GNA13: variants seen among roughly 807,000 people sequenced by gnomAD.
The protein encoded by GNA13 is G protein subunit alpha 13.
A neutral mutation model predicts 33.5 loss-of-function variants in GNA13; 4 were observed. The observed-to-expected ratio is 0.12, with a 90% CI of 0.06 to 0.27. The LOEUF is 0.27. Among genes scored for constraint, GNA13 ranks in the 10% least tolerant of loss-of-function variants. GNA13 has a pLI of 1.00. For missense variants in GNA13, 319 were observed against 487.2 expected, an observed-to-expected ratio of 0.65 and a Z score of 3.25; for synonymous variants, 176 against 183.8, an observed-to-expected ratio of 0.96 and a Z score of 0.34.
intron 2 of GNA13, among the ~76,000 whole-genome samples, chr17:65,029,004 T>C (rs1906904734): frequency 6.6e-6 from 1 of 152,096 alleles, no homozygotes. Context: ...ACTGATATAA[T>C]ACTGAGAAGT....
At chr17:65,031,921 A>AGAGTGTGTGTGTGTGTGTGT (rs770161529) in intron 2 of GNA13, among the ~76,000 whole-genome samples, 25 of 91,704 alleles carry the variant, frequency 2.7e-4, no homozygotes, top group African/African-American at 8.3e-4. Context: ...AGAGAGAGAG[A>AGAGTGTGTGTGTGTGTGTGT]GTGTGTGTGT....
At chr17:65,054,374 T>C (rs1907958947) in intron 1 of GNA13, among the ~76,000 whole-genome samples, 1 of 152,262 alleles carries the variant, frequency 6.6e-6, no homozygotes, top group Non-Finnish European at 1.5e-5. Flanking sequence ...GAAACTCATT[T>C]TTCCTATCAC....
chr17:65,050,814 G>A (rs755865904), intron 2 of GNA13, among the ~76,000 whole-genome samples: 5 of 152,146 alleles, frequency 3.3e-5, no homozygotes, highest in Non-Finnish European at 5.9e-5. Flanking sequence ...TTTAAAATTA[G>A]GTCTTGCTCT....
intron 3 of GNA13, among the ~76,000 whole-genome samples, chr17:65,017,368 G>A (rs1424189121): frequency 6.6e-6 from 1 of 152,226 alleles, no homozygotes; most frequent in African/African-American, 2.4e-5. Context: ...GCAGAGCAGA[G>A]TATGTTGATG....
intron 2 of GNA13, among the ~76,000 whole-genome samples, chr17:65,050,728 TAAAAAACAAAAACA>T (rs1251510672): frequency 6.6e-6 from 1 of 151,834 alleles, no homozygotes; most frequent in East Asian, 1.9e-4. Flanking sequence ...GACCTTCTCT[TAAAAAACAAAAACA>T]AAAAAACAAA....
At chr17:65,032,706 T>C (rs1442250004) in intron 2 of GNA13, among the ~76,000 whole-genome samples, 2 of 152,208 alleles carry the variant, frequency 1.3e-5, no homozygotes, top group Non-Finnish European at 2.9e-5. Flanking sequence ...CTTTCCAACA[T>C]TTTCATTTTG....
chr17:65,053,417 G>A (rs1907924529), intron 2 of GNA13, 85 bp downstream of exon 2: 2 of 845,666 alleles, frequency 2.4e-6, no homozygotes, highest in Admixed American at 1.9e-5. Context: ...GGAACATTTC[G>A]AATTTTCGCA....
intron 2 of GNA13, 27 bp from the exon 3 acceptor site, chr17:65,018,330 T>C: frequency 9.1e-7 from 1 of 1,095,126 alleles, no homozygotes; most frequent in East Asian, 2.4e-5. Context: ...AACAAATAGT[T>C]ATTAGGGCTT....
intron 2 of GNA13, among the ~76,000 whole-genome samples, chr17:65,031,917 A>AGTGTGTGTGT (rs1423818583): frequency 2.3e-5 from 3 of 128,254 alleles, no homozygotes; most frequent in Non-Finnish European, 5.0e-5. Flanking sequence ...AGAGAGAGAG[A>AGTGTGTGTGT]GAGAGTGTGT....
At chr17:65,031,917 AGAGAGTGTGTGTGTGTGT>A (rs1320288231) in intron 2 of GNA13, among the ~76,000 whole-genome samples, 63 of 128,256 alleles carry the variant, frequency 4.9e-4, no homozygotes, top group African/African-American at 1.9e-3. Context: ...AGAGAGAGAG[AGAGAGTGTGTGTGTGTGT>A]GTGTGTGTGT....
At chr17:65,023,663 T>C (rs1170701827) in intron 2 of GNA13, among the ~76,000 whole-genome samples, 6 of 152,218 alleles carry the variant, frequency 3.9e-5, no homozygotes, top group East Asian at 1.9e-4. Flanking sequence ...CTTTATATAC[T>C]TTCTTTGCTG....
intron 2 of GNA13, among the ~76,000 whole-genome samples, chr17:65,050,553 A>T (rs1457307608): frequency 1.3e-5 from 2 of 152,076 alleles, no homozygotes; most frequent in Non-Finnish European, 2.9e-5. Context: ...ACATAGCAAG[A>T]CTCCGTCTCT....
intron 2 of GNA13, among the ~76,000 whole-genome samples, chr17:65,047,653 C>T (rs1907714110): frequency 1.7e-5 from 2 of 118,456 alleles, no homozygotes; most frequent in Admixed American, 2.3e-4. Context: ...TAATAAATGA[C>T]TCTGATTCTT....
intron 2 of GNA13, among the ~76,000 whole-genome samples, chr17:65,031,242 G>A (rs117076091): frequency 4.6e-5 from 7 of 152,268 alleles, no homozygotes; most frequent in East Asian, 3.9e-4. Flanking sequence ...GTAAGTATTC[G>A]TGTATCTAAA....
chr17:65,045,420 T>C (rs963018515), intron 2 of GNA13, among the ~76,000 whole-genome samples: 10 of 137,728 alleles, frequency 7.3e-5, no homozygotes, highest in African/African-American at 2.7e-4. Flanking sequence ...CTTGGGAGGC[T>C]GGGTCAGGGC....
At chr17:65,028,070 C>A (rs1006908678) in intron 2 of GNA13, among the ~76,000 whole-genome samples, 1 of 152,012 alleles carries the variant, frequency 6.6e-6, no homozygotes, top group Admixed American at 6.6e-5. Flanking sequence ...ACTAAAAATA[C>A]AAAAAATCAG....
intron 2 of GNA13, among the ~76,000 whole-genome samples, chr17:65,019,522 A>G (rs940568388): frequency 5.9e-5 from 9 of 152,190 alleles, no homozygotes; most frequent in Non-Finnish European, 7.3e-5. Context: ...TTGCAACAAC[A>G]TATATGGAAG....
intron 2 of GNA13, among the ~76,000 whole-genome samples, chr17:65,042,483 T>C (rs1312126618): frequency 6.6e-6 from 1 of 151,892 alleles, no homozygotes; most frequent in Non-Finnish European, 1.5e-5. Context: ...AAGCCTATAA[T>C]CCCAACACTT....
rs372134041 is a variant in GNA13, at chr17:65,053,427, A to G, written c.510+75T>C. 162 of 918,598 alleles carry G rather than the reference A, an allele frequency of 1.8e-4. 3 individuals carry two copies. The East Asian group carries it at 2.1e-3, about 12-fold the overall frequency. The allele number at this position is 918,598 out of a possible 1,614,324, so 56.9% of individuals were successfully genotyped here. A position where few individuals can be genotyped will look rare whatever the true frequency, so the allele number is the denominator to read the frequency against. On this transcript the variant is annotated intron_variant, in intron 2 of 3. Coordinates refer to ENST00000439174, the MANE Select transcript of GNA13 (RefSeq NM_006572.6). ...ATTTGGGAACATTTCGAATTTTCGC[A>G]TTAGGGATGTGCAACCTGTATTACT...
Sources: allele counts gnomAD v4.1 joint callset (sites outside exome capture counted in the v4.1 genomes callset), GRCh38; gene constraint gnomAD v4.1.1; transcripts MANE v1.5; gene names NCBI Gene and HGNC (gene_info 2026-07-23, HGNC 2026-07-21).